Variants in PTDSS1 observed in about 807,000 individuals in gnomAD.
PTDSS1 encodes phosphatidylserine synthase 1, also known as PSS-1.
A neutral mutation model predicts 70.5 loss-of-function variants in PTDSS1; 45 were observed. That is an observed-to-expected ratio of 0.64 (90% confidence interval 0.50 to 0.82). The LOEUF is 0.82. Ranked by LOEUF, PTDSS1 falls within the 40% of genes least tolerant of loss-of-function variation. The probability of loss-of-function intolerance (pLI) is 0.00; values close to 1 mark genes in which losing one functional copy is unlikely to be tolerated. For synonymous variants in PTDSS1, 188 were observed against 203.8 expected (o/e 0.92, Z 0.66); for missense variants, 417 against 586.1 (o/e 0.71, Z 2.98).
chr8:96,297,019 G>A (rs541227768), intron 5 of PTDSS1, among the ~76,000 whole-genome samples: 14 of 152,242 alleles, frequency 9.2e-5, no homozygotes, highest in Admixed American at 4.6e-4. Context: ...GCACCCAGTC[G>A]TCCATTGACG....
At chr8:96,302,036 T>G (rs1811057702) in intron 6 of PTDSS1, among the ~76,000 whole-genome samples, 1 of 152,170 alleles carries the variant, frequency 6.6e-6, no homozygotes, top group African/African-American at 2.4e-5. Context: ...TTTGTTTTTT[T>G]GAGACAGAGT....
chr8:96,275,961 G>A (rs1265544064), intron 2 of PTDSS1, among the ~76,000 whole-genome samples: 1 of 152,206 alleles, frequency 6.6e-6, no homozygotes, highest in Non-Finnish European at 1.5e-5. Flanking sequence ...ATCAGAGCAT[G>A]ATACGTGCAT....
At chr8:96,301,832 G>GT (rs1811055652) in intron 6 of PTDSS1, among the ~76,000 whole-genome samples, 1 of 151,840 alleles carries the variant, frequency 6.6e-6, no homozygotes, top group African/African-American at 2.4e-5. Context: ...TAGTTCTTTA[G>GT]TGGTTTTACT....
At chr8:96,280,601 C>T (rs1810722092) in intron 2 of PTDSS1, among the ~76,000 whole-genome samples, 1 of 152,062 alleles carries the variant, frequency 6.6e-6, no homozygotes, top group African/African-American at 2.4e-5. Flanking sequence ...ATGATGTATT[C>T]TAGGTGGAAG....
chr8:96,267,055 C>G (rs1026575673), intron 1 of PTDSS1, among the ~76,000 whole-genome samples: 4 of 152,152 alleles, frequency 2.6e-5, no homozygotes, highest in African/African-American at 9.7e-5. Context: ...AACCTTAATT[C>G]AAGTTCATCT....
chr8:96,278,990 T>TC (rs1810692199), intron 2 of PTDSS1, among the ~76,000 whole-genome samples: 1 of 150,736 alleles, frequency 6.6e-6, no homozygotes, highest in Non-Finnish European at 1.5e-5. Context: ...TTTTTTTTTT[T>TC]TGAGACAGAG....
intron 4 of PTDSS1, 23 bp from the exon 5 acceptor site, chr8:96,295,075 A>G (rs772182894): frequency 1.9e-6 from 3 of 1,578,458 alleles, no homozygotes; most frequent in Non-Finnish European, 8.6e-7. Context: ...TTCACTAATT[A>G]TTCTCTTTTT....
intron 2 of PTDSS1, among the ~76,000 whole-genome samples, chr8:96,279,074 G>A (rs1029873858): frequency 2.0e-5 from 3 of 149,132 alleles, no homozygotes; most frequent in Non-Finnish European, 4.4e-5. Flanking sequence ...GGGCTCAAGC[G>A]ATTCTTGTGC....
chr8:96,320,910 C>G (rs1308810965), intron 10 of PTDSS1, among the ~76,000 whole-genome samples: 1 of 152,208 alleles, frequency 6.6e-6, no homozygotes, highest in African/African-American at 2.4e-5. Flanking sequence ...TTCTTTTGCC[C>G]TGGGGCTCTT....
chr8:96,265,794 C>T (rs1458244572), intron 1 of PTDSS1, among the ~76,000 whole-genome samples: 1 of 152,184 alleles, frequency 6.6e-6, no homozygotes, highest in Non-Finnish European at 1.5e-5. Context: ...TATTTTCCCA[C>T]ATTTTAGAAT....
In PTDSS1 at chr8:96,262,280, G is replaced by T; in HGVS notation, c.179+61G>T. 1 of 1,500,628 alleles carries T rather than the reference G, an allele frequency of 6.7e-7. No homozygotes were observed. Among genetic ancestry groups the T allele is most frequent in the Non-Finnish European group, 9.1e-7 (1 of 1,096,110 alleles). 93.0% of individuals were successfully genotyped at this position (1,500,628 alleles called of 1,614,324 possible). On this transcript the variant is annotated intron_variant, in intron 1 of 12. Coordinates refer to ENST00000517309, the MANE Select transcript of PTDSS1 (RefSeq NM_014754.3). The surrounding 1 kb of genome is among the most constrained non-coding windows in gnomAD (Gnocchi z 4.4). The stretch of plus-strand genomic sequence containing the variant: ...GGGCTAGGGAAGAGGCGGGAGGGAG[G>T]GTGGCGGGGAGGGGGGCCCGGCATG...
At chr8:96,329,466 G>C (rs1811483047) in intron 10 of PTDSS1, among the ~76,000 whole-genome samples, 1 of 152,074 alleles carries the variant, frequency 6.6e-6, no homozygotes, top group East Asian at 1.9e-4. Context: ...TTGAAACTTT[G>C]GATTCTTGTC....
At chr8:96,317,548 A>G (rs1360152264) in intron 9 of PTDSS1, among the ~76,000 whole-genome samples, 1 of 152,056 alleles carries the variant, frequency 6.6e-6, no homozygotes, top group Non-Finnish European at 1.5e-5. Context: ...CAATCAGGGT[A>G]ACACGGTAAA....
intron 6 of PTDSS1, among the ~76,000 whole-genome samples, 184 bp downstream of exon 6, chr8:96,300,029 A>G (rs557568888): frequency 9.2e-5 from 14 of 152,338 alleles, no homozygotes; most frequent in Middle Eastern, 3.4e-3. Context: ...TCAATCATTT[A>G]TGATTTTCTC....
intron 4 of PTDSS1, among the ~76,000 whole-genome samples, chr8:96,290,355 C>T (rs1326356100): frequency 6.6e-6 from 1 of 152,110 alleles, no homozygotes; most frequent in African/African-American, 2.4e-5. Flanking sequence ...GCTTGTGTGC[C>T]TCTGCTGATC....
In PTDSS1 at chr8:96,277,986, C is replaced by T. The variant is rs73271830; in HGVS notation, c.271+4596C>T. Among the ~76,000 whole-genome samples, 832 of 152,302 alleles carry T rather than the reference C, an allele frequency of 5.5e-3. 7 individuals are homozygous for T. The highest frequency in any genetic ancestry group is 0.019 in the African/African-American group (776 of 41,566). On this transcript the variant is annotated intron_variant, in intron 2 of 12. Transcript: ENST00000517309. ...GTGGTTGGCAGACTGGCTTATTCAGCGGCTCAGTGACCTGTGAAGACCCAG... is the reference window on the plus strand; with the variant it reads ...GTGGTTGGCAGACTGGCTTATTCAGTGGCTCAGTGACCTGTGAAGACCCAG...
At chr8:96,296,639 C>A (rs1563572304) in intron 5 of PTDSS1, among the ~76,000 whole-genome samples, 1 of 152,166 alleles carries the variant, frequency 6.6e-6, no homozygotes, top group African/African-American at 2.4e-5. Flanking sequence ...ACAATTCAAC[C>A]GATCCATAAT....
At position 96,272,229 on chromosome 8, in the gene PTDSS1, A is replaced by T. The variant is rs187546888; in HGVS notation, c.180-1070A>T. ...TGCCATGTGAATTTACCACTTCATG[A>T]TTGTTGATTGTTTTGTTTTGTTTTG... On this transcript the variant is annotated intron_variant, in intron 1 of 12. Coordinates refer to ENST00000517309, the MANE Select transcript of PTDSS1 (RefSeq NM_014754.3). Among the ~76,000 whole-genome samples the T allele has an allele frequency of 1.5e-4, 23 of 151,788 alleles. No homozygotes were observed. The East Asian group carries it at 2.9e-3, about 19-fold the overall frequency.
chr8:96,281,098 A>G (rs530719543), intron 2 of PTDSS1, among the ~76,000 whole-genome samples: 1 of 152,262 alleles, frequency 6.6e-6, no homozygotes, highest in African/African-American at 2.4e-5. Flanking sequence ...AGGTGACTTG[A>G]CTGGAGTAGC....
Sources: allele counts gnomAD v4.1 joint callset (sites outside exome capture counted in the v4.1 genomes callset), GRCh38; gene constraint gnomAD v4.1.1; non-coding constraint Gnocchi (gnomAD v3.1); transcripts MANE v1.5; gene names NCBI Gene and HGNC (gene_info 2026-07-23, HGNC 2026-07-21).